PPP1R42: variants seen among roughly 807,000 people sequenced by gnomAD.
The protein encoded by PPP1R42 is leucine rich repeat containing 67.
In PPP1R42, 34 loss-of-function variants were observed where a neutral mutation model predicts 31.0. The observed-to-expected ratio is 1.10, with a 90% CI of 0.83 to 1.46. PPP1R42 has a LOEUF of 1.46. Ranked by LOEUF, PPP1R42 falls within the 40% of genes most tolerant of loss-of-function variation. The probability of loss-of-function intolerance (pLI) is 0.00; values close to 1 mark genes in which losing one functional copy is unlikely to be tolerated. For missense variants in PPP1R42, 268 were observed against 303.0 expected, an observed-to-expected ratio of 0.88 and a Z score of 0.86; for synonymous variants, 103 against 109.8, an observed-to-expected ratio of 0.94 and a Z score of 0.39.
chr8:66,997,299 TTTTA>T (rs1815361187), intron 5 of PPP1R42, among the ~76,000 whole-genome samples: 1 of 152,108 alleles, frequency 6.6e-6, no homozygotes, highest in East Asian at 1.9e-4. Flanking sequence ...ATGTATTTTA[TTTTA>T]TTTATTTTAT....
chr8:67,025,566 A>G (rs1173413361), intron 1 of PPP1R42, among the ~76,000 whole-genome samples: 29 of 147,390 alleles, frequency 2.0e-4, no homozygotes, highest in Non-Finnish European at 3.3e-4. Flanking sequence ...TTTGTGGCTG[A>G]GCCTAAGAAT....
intron 5 of PPP1R42, among the ~76,000 whole-genome samples, chr8:66,992,738 C>T (rs921879289): frequency 6.6e-6 from 1 of 152,080 alleles, no homozygotes; most frequent in African/African-American, 2.4e-5. Context: ...ATACTTAGAC[C>T]CTTTATAGAA....
intron 6 of PPP1R42, chr8:66,988,084 G>A: frequency 1.0e-6 from 1 of 978,598 alleles, no homozygotes; most frequent in Non-Finnish European, 1.2e-6. Context: ...ATCATCAAAG[G>A]ATTTGTGCTA....
chr8:66,976,120 T>C (rs923829219), intron 7 of PPP1R42, among the ~76,000 whole-genome samples: 1 of 152,102 alleles, frequency 6.6e-6, no homozygotes, highest in African/African-American at 2.4e-5. Flanking sequence ...TGGATTCTCA[T>C]AGGAACATGA....
At chr8:66,984,836 C>A (rs1585645320) in intron 6 of PPP1R42, 1 of 1,596,706 alleles carries the variant, frequency 6.3e-7, no homozygotes, top group East Asian at 2.2e-5. Flanking sequence ...CCCAGCCTGA[C>A]TTTTTCTAGT....
At chr8:67,021,815 A>G (rs1165596354) in intron 1 of PPP1R42, among the ~76,000 whole-genome samples, 2 of 152,130 alleles carry the variant, frequency 1.3e-5, no homozygotes, top group Non-Finnish European at 2.9e-5. Context: ...TATTAATGAT[A>G]TTATTCTGTC....
intron 5 of PPP1R42, among the ~76,000 whole-genome samples, chr8:67,006,707 C>T (rs370697566): frequency 1.3e-5 from 2 of 148,722 alleles, no homozygotes; most frequent in South Asian, 4.3e-4. Context: ...CTCCCTTGTC[C>T]CTCTGTAAAG....
intron 6 of PPP1R42, chr8:66,984,536 T>G (rs1365307360): frequency 1.6e-6 from 2 of 1,246,560 alleles, no homozygotes; most frequent in Non-Finnish European, 2.4e-6. Flanking sequence ...GTGCTAAATT[T>G]CTAACTCCAT....
At chr8:67,007,080 G>T (rs1430036044) in intron 5 of PPP1R42, among the ~76,000 whole-genome samples, 1 of 150,128 alleles carries the variant, frequency 6.7e-6, no homozygotes, top group African/African-American at 2.5e-5. Flanking sequence ...GTTTTACCAT[G>T]TTGGCCAGGC....
intron 5 of PPP1R42, among the ~76,000 whole-genome samples, chr8:67,001,371 G>C (rs1815485918): frequency 6.7e-6 from 1 of 148,970 alleles, no homozygotes; most frequent in Non-Finnish European, 1.5e-5. Context: ...AAAAAAATCC[G>C]GTCCTACTAT....
chr8:67,022,129 A>G (rs1226363707), intron 1 of PPP1R42, among the ~76,000 whole-genome samples: 2 of 152,338 alleles, frequency 1.3e-5, no homozygotes, highest in East Asian at 3.9e-4. Context: ...ACCACTGGCA[A>G]GTAAAAGAGT....
chr8:67,001,740 T>C (rs1468031678), intron 5 of PPP1R42, among the ~76,000 whole-genome samples: 3 of 152,240 alleles, frequency 2.0e-5, no homozygotes, highest in Non-Finnish European at 2.9e-5. Flanking sequence ...TCATTTGTGC[T>C]ATTGTTAGTT....
At chr8:66,974,692 A>C (rs1237761433) in intron 7 of PPP1R42, among the ~76,000 whole-genome samples, 4 of 152,160 alleles carry the variant, frequency 2.6e-5, no homozygotes, top group African/African-American at 9.7e-5. Context: ...TCTTTGGAGA[A>C]ATTTGTATGT....
chr8:66,977,117 T>C (rs539778013), intron 7 of PPP1R42, among the ~76,000 whole-genome samples: 71 of 151,104 alleles, frequency 4.7e-4, no homozygotes, highest in Non-Finnish European at 7.5e-4. Flanking sequence ...CACTGCAACC[T>C]CCGCCTCCCA....
At chr8:67,006,446 G>A (rs1449660461) in intron 5 of PPP1R42, among the ~76,000 whole-genome samples, 1 of 152,122 alleles carries the variant, frequency 6.6e-6, no homozygotes, top group Admixed American at 6.6e-5. Flanking sequence ...GGGCTCAAGC[G>A]ATCCTCCCAC....
chr8:66,968,460 C>T (rs1814447133), intron 7 of PPP1R42: 1 of 984,960 alleles, frequency 1.0e-6, no homozygotes, highest in Non-Finnish European at 1.2e-6. Context: ...GCAGGCTCCC[C>T]ACCTTGAATA....
chr8:66,999,290 G>T (rs921467656), intron 5 of PPP1R42, among the ~76,000 whole-genome samples: 2 of 151,784 alleles, frequency 1.3e-5, no homozygotes, highest in Non-Finnish European at 2.9e-5. Flanking sequence ...GCATGATCTC[G>T]GCTCACTGCA....
At chr8:66,997,424 T>C (rs895185293) in intron 5 of PPP1R42, among the ~76,000 whole-genome samples, 12 of 151,826 alleles carry the variant, frequency 7.9e-5, no homozygotes, top group Admixed American at 7.2e-4. Context: ...CTCAGCCTCC[T>C]GAGTAGCTGG....
intron 6 of PPP1R42, among the ~76,000 whole-genome samples, chr8:66,983,485 A>C (rs1355318783): frequency 6.6e-6 from 1 of 151,954 alleles, no homozygotes; most frequent in Admixed American, 6.6e-5. Flanking sequence ...CTTTCTTTCC[A>C]TAGGACTCTG....
Sources: allele counts gnomAD v4.1 joint callset (sites outside exome capture counted in the v4.1 genomes callset), GRCh38; gene constraint gnomAD v4.1.1; transcripts MANE v1.5; gene names NCBI Gene and HGNC (gene_info 2026-07-23, HGNC 2026-07-21).